The following EIF3L variants were observed in gnomAD, a reference collection of about 807,000 sequenced individuals.
EIF3L encodes the protein eukaryotic translation initiation factor 3 subunit L.
EIF3L carries 32 observed loss-of-function variants against 74.6 expected under a neutral mutation model. The observed-to-expected ratio is 0.43, with a 90% CI of 0.32 to 0.58. The LOEUF (loss-of-function observed/expected upper bound fraction) is 0.58. EIF3L is among the 20% of genes least tolerant of loss of function. The pLI, the probability that EIF3L is intolerant of heterozygous loss-of-function variation, is 0.06. For synonymous variants in EIF3L, 256 were observed against 254.4 expected (o/e 1.01, Z -0.06); for missense variants, 474 against 707.8 (o/e 0.67, Z 3.75).
intron 7 of EIF3L, among the ~76,000 whole-genome samples, chr22:37,867,887 G>A (rs1256136385): frequency 2.7e-5 from 4 of 149,270 alleles, no homozygotes; most frequent in Admixed American, 6.7e-5. Context: ...CCCAGGAGGC[G>A]GAGCTTGCAG....
chr22:37,862,883 T>G, intron 5 of EIF3L, 86 bp from the exon 6 acceptor site: 2 of 958,344 alleles, frequency 2.1e-6, no homozygotes, highest in Non-Finnish European at 3.2e-6. Context: ...TTCTCTTGTA[T>G]TTGTTCACAG....
intron 1 of EIF3L, chr22:37,849,758 C>G (rs966686437): frequency 1.5e-5 from 9 of 604,872 alleles, no homozygotes; most frequent in Non-Finnish European, 2.6e-5. Flanking sequence ...TTTTTTTGGT[C>G]TAGGCTCCGT....
intron 8 of EIF3L, among the ~76,000 whole-genome samples, chr22:37,871,594 G>A (rs895144721): frequency 6.6e-6 from 1 of 152,186 alleles, no homozygotes; most frequent in African/African-American, 2.4e-5. Context: ...AGGGCCGGGT[G>A]CCATGGCTCA....
At position 37,877,878 on chromosome 22, in the gene EIF3L, T is replaced by C. The variant is rs1394026205; in HGVS notation, c.1282T>C (p.Tyr428His). The C allele has an allele frequency of 1.2e-6, 2 of 1,613,390 alleles. No homozygotes were observed. The highest frequency in any genetic ancestry group is 1.1e-5 in the South Asian group (1 of 91,046). ...PKFLSPVVPN[Y>H]DNVHPNYHKE... ...GTTCCTGTCGCCTGTAGTGCCCAAC[T>C]ATGATAATGTGCACCCCAACTACCA... Residue 428 changes from tyrosine to histidine, a missense_variant, in exon 11 of 13, where the codon TAT becomes CAT. By Grantham distance (83) the Tyr-to-His change is moderately conservative. Around this residue, in one of 4 missense-constraint regions of EIF3L, gnomAD observed 293 missense variants for 469.1 expected, o/e 0.62. Transcript: ENST00000652021.
At chr22:37,855,703 G>C in intron 4 of EIF3L, 59 bp downstream of exon 4, 1 of 1,443,044 alleles carries the variant, frequency 6.9e-7, no homozygotes, top group Non-Finnish European at 9.7e-7. Context: ...TGAGTCATTA[G>C]ACAGGAAGCT....
At chr22:37,860,487 C>T (rs1324814663) in intron 5 of EIF3L, among the ~76,000 whole-genome samples, 1 of 152,214 alleles carries the variant, frequency 6.6e-6, no homozygotes, top group African/African-American at 2.4e-5. Flanking sequence ...ATTCTCCTTC[C>T]TCAGCCTCCT....
At chr22:37,856,491 T>C (rs1199698479) in intron 4 of EIF3L, among the ~76,000 whole-genome samples, 1 of 152,242 alleles carries the variant, frequency 6.6e-6, no homozygotes, top group Non-Finnish European at 1.5e-5. Flanking sequence ...ATTACAGGCA[T>C]GCACCACTGT....
chr22:37,883,580 CA>C (rs139848), intron 11 of EIF3L: 9 of 148,182 alleles, frequency 6.1e-5, no homozygotes, highest in Admixed American at 1.4e-4. Context: ...GACTCCATCT[CA>C]AAAAAAAAAA....
intron 4 of EIF3L, 76 bp from the exon 5 acceptor site, chr22:37,858,603 C>A: frequency 7.6e-7 from 1 of 1,313,364 alleles, no homozygotes; most frequent in Non-Finnish European, 1.1e-6. Context: ...CTTTATTCCT[C>A]CCCACCAAAG....
intron 8 of EIF3L, 134 bp downstream of exon 8, chr22:37,870,481 G>C (rs79343110): frequency 1.2e-6 from 1 of 845,196 alleles, no homozygotes; most frequent in African/African-American, 1.7e-5. Flanking sequence ...CTCTTTGTAG[G>C]TGCTTGAGTA....
At chr22:37,867,613 C>T (rs1926218438) in intron 7 of EIF3L, among the ~76,000 whole-genome samples, 2 of 145,128 alleles carry the variant, frequency 1.4e-5, no homozygotes, top group Admixed American at 7.0e-5. Context: ...GCTGAGATCA[C>T]ACCACCGCAC....
In EIF3L at chr22:37,851,448, T is replaced by C. The variant is rs1293834308; in HGVS notation, c.251T>C (p.Ile84Thr). The stretch of plus-strand genomic sequence containing the variant: ...GCCAGTCGTGTCTCCAGTGATGTCA[T>C]TGACCAGAAGGTGTATGAGATCCAG... ...LQASRVSSDV[I>T]DQKVYEIQDI... Residue 84 changes from isoleucine (I) to threonine (T), a missense_variant, in exon 3 of 13, where the codon ATT becomes ACT. By Grantham distance (89) the Ile-to-Thr change is moderately conservative. Around this residue, in one of 4 missense-constraint regions of EIF3L, gnomAD observed 141 missense variants for 197.7 expected, o/e 0.71. Transcript: ENST00000652021. 1 of 1,614,000 alleles carries C rather than the reference T, an allele frequency of 6.2e-7. No individual in the cohort carries two copies. The highest frequency in any genetic ancestry group is 8.5e-7 in the Non-Finnish European group (1 of 1,179,980).
chr22:37,863,203 C>A, intron 6 of EIF3L, 69 bp from the exon 7 acceptor site: 1 of 1,390,538 alleles, frequency 7.2e-7, no homozygotes, highest in Non-Finnish European at 1.0e-6. Context: ...AATTACAAAG[C>A]ATTCTGCAGC....
At position 37,855,571 on chromosome 22, in the gene EIF3L, C is replaced by T. The variant is rs1313739045; in HGVS notation, c.300C>T (p.Thr100=). 6.8e-6 allele frequency: 11 copies of T among 1,614,034 alleles called. No individual in the cohort carries two copies. The highest frequency in any genetic ancestry group is 9.3e-6 in the Non-Finnish European group (11 of 1,179,958). ...TTTTTTTCTTGATTTTTAGCTGGAC[C>T]AAGCTGACTGAAAGATTCTTCAAGA... ...EIQDIYENSW[T]KLTERFFKNT... Residue 100 remains threonine (T), a synonymous_variant, in exon 4 of 13, where the codon ACC becomes ACT. Transcript: ENST00000652021.
In EIF3L at chr22:37,853,910, A is replaced by G. The variant is rs372661795; in HGVS notation, c.294-1655A>G. Among the ~76,000 whole-genome samples the G allele has an allele frequency of 3.3e-5, 5 of 152,374 alleles. No homozygotes were observed. In the East Asian group the frequency reaches 7.7e-4, roughly 23 times the overall value. ...TTCCAAATAGACCTAAAAGTTTTCCAATACTGAGTTAAGTGTTGGTTTTTA... is the reference window on the plus strand; with the variant it reads ...TTCCAAATAGACCTAAAAGTTTTCCGATACTGAGTTAAGTGTTGGTTTTTA... On this transcript the variant is annotated intron_variant, in intron 3 of 12. Transcript: ENST00000652021.
chr22:37,882,230 C>G (rs920618159), intron 11 of EIF3L: 1 of 151,810 alleles, frequency 6.6e-6, no homozygotes, highest in South Asian at 2.1e-4. Flanking sequence ...TCACTTGAGC[C>G]CAAGAGACAG....
intron 11 of EIF3L, 92 bp downstream of exon 11, chr22:37,878,263 A>G: frequency 6.8e-7 from 1 of 1,472,790 alleles, no homozygotes; most frequent in East Asian, 2.3e-5. Flanking sequence ...CGGGGAACAA[A>G]AAGATTCCTG....
At chr22:37,854,554 G>A (rs1012318586) in intron 3 of EIF3L, among the ~76,000 whole-genome samples, 26 of 152,112 alleles carry the variant, frequency 1.7e-4, no homozygotes, top group African/African-American at 6.3e-4. Context: ...CGCAACCTCC[G>A]CCTCCTGGCT....
chr22:37,850,089 A>C (rs1925101789), intron 2 of EIF3L, 26 bp downstream of exon 2: 1 of 1,612,608 alleles, frequency 6.2e-7, no homozygotes, highest in Non-Finnish European at 8.5e-7. Flanking sequence ...AGGCTGGCTG[A>C]GTACTCGTAG....
Sources: gnomAD v4.1 joint callset for allele counts (sites outside exome capture counted in the v4.1 genomes callset) on GRCh38, gnomAD v4.1.1 for gene constraint, gnomAD v4.1.1 regional missense constraint, MANE v1.5 for transcripts, NCBI Gene and HGNC (gene_info 2026-07-23, HGNC 2026-07-21) for gene names.